The following GP6 variants were observed in gnomAD, a reference collection of about 807,000 sequenced individuals.
The protein encoded by GP6 is platelet glycoprotein VI.
A neutral mutation model predicts 37.3 loss-of-function variants in GP6; 45 were observed. The observed-to-expected ratio is 1.21, with a 90% CI of 0.95 to 1.55. GP6 has a LOEUF of 1.55. Ranked by LOEUF, GP6 falls within the 40% of genes most tolerant of loss-of-function variation. The probability of loss-of-function intolerance (pLI) is 0.00; values close to 1 mark genes in which losing one functional copy is unlikely to be tolerated. For synonymous variants in GP6, 340 were observed against 316.4 expected, an observed-to-expected ratio of 1.07 and a Z score of -0.79; for missense variants, 813 against 760.2, an observed-to-expected ratio of 1.07 and a Z score of -0.82.
At chr19:55,037,781 G>A (rs1258879300) in intron 1 of GP6, among the ~76,000 whole-genome samples, 4 of 150,706 alleles carry the variant, frequency 2.7e-5, no homozygotes, top group South Asian at 2.1e-4. Flanking sequence ...ACAAGCACCC[G>A]CCATCACGCC....
At chr19:55,017,515 A>C (rs1433881287) in intron 6 of GP6, among the ~76,000 whole-genome samples, 1 of 152,116 alleles carries the variant, frequency 6.6e-6, no homozygotes, top group Non-Finnish European at 1.5e-5. Context: ...AATTGATGCC[A>C]TGGGGAAATG....
At chr19:55,021,136 A>G (rs1216516114) in intron 5 of GP6, among the ~76,000 whole-genome samples, 1 of 149,212 alleles carries the variant, frequency 6.7e-6, no homozygotes, top group Non-Finnish European at 1.5e-5. Context: ...AGGCAGGTGG[A>G]TCACCTGAGG....
Position 55,024,289 on chromosome 19 carries a change from T to TGCACGCACACACAC in GP6, c.664+928_664+929insGTGTGTGTGCGTGC. Among the ~76,000 whole-genome samples, 294 of 101,994 alleles carry TGCACGCACACACAC rather than the reference T, an allele frequency of 2.9e-3. 2 individuals are homozygous for TGCACGCACACACAC. The highest frequency in any genetic ancestry group is 4.6e-3 in the Non-Finnish European group (207 of 44,986). 66.9% of individuals were successfully genotyped at this position (101,994 alleles called of 152,430 possible). On this transcript the variant is annotated intron_variant, in intron 5 of 7. Coordinates refer to ENST00000310373, the MANE Select transcript of GP6 (RefSeq NM_001083899.2). ...ATATGCACGCATGCACACACACACA[T>TGCACGCACACACAC]ATGCACGCATGCACACACATATGCA...
chr19:55,014,153 G>T lies in GP6; in HGVS notation c.1792C>A (p.Leu598Ile). 1.4e-6 allele frequency: 1 copy of T among 699,604 alleles called. No individual in the cohort carries two copies. The highest frequency in any genetic ancestry group is 1.7e-5 in the African/African-American group (1 of 57,324). The allele number at this position is 699,604 out of a possible 1,614,324, so 43.3% of individuals were successfully genotyped here. ...AAGTCAGGCTTCGTCACCCGAGCTA[G>T]AGTGCAGTGGTGTGATCTCAGCTCA... Residue 598 changes from leucine (L) to isoleucine (I), a missense_variant, in exon 8 of 8, where the codon CTA (leucine) becomes ATA (isoleucine). Transcript: ENST00000310373.
intron 5 of GP6, among the ~76,000 whole-genome samples, chr19:55,024,300 G>GCACACACACATGCACGCA (rs369345826): frequency 8.2e-6 from 1 of 121,864 alleles, no homozygotes; most frequent in Non-Finnish European, 1.7e-5. Context: ...ATGCACGCAT[G>GCACACACACATGCACGCA]CACACACATA....
intron 5 of GP6, among the ~76,000 whole-genome samples, chr19:55,019,803 G>C (rs950466073): frequency 6.7e-6 from 1 of 148,590 alleles, no homozygotes. Flanking sequence ...TCAGCCTCCC[G>C]AGTAGCTGGG....
Position 55,027,578 on chromosome 19 carries a change from C to T in GP6, c.610G>A (p.Gly204Arg), listed in dbSNP as rs1408985833. 1 of 1,612,434 alleles carries T rather than the reference C, an allele frequency of 6.2e-7. No individual in the cohort carries two copies. Residue 204 changes from glycine to arginine, a missense_variant and splice_region_variant, in exon 4 of 8, where the codon GGA (glycine) becomes AGA (arginine). Coordinates refer to ENST00000310373, the MANE Select transcript of GP6 (RefSeq NM_001083899.2). ...AAGGTTTGGTCTGCACTACCCCTAC[C>T]TGTGACCACAAGCTCCAGGGGGTCG... is the stretch of plus-strand genomic sequence containing the variant.
intron 3 of GP6, among the ~76,000 whole-genome samples, chr19:55,029,938 G>T (rs947134664): frequency 2.0e-5 from 3 of 152,220 alleles, no homozygotes; most frequent in Non-Finnish European, 4.4e-5. Context: ...TTATAACGCG[G>T]AATAGACCAC....
intron 1 of GP6, among the ~76,000 whole-genome samples, chr19:55,034,890 C>T (rs1486480898): frequency 2.6e-5 from 4 of 152,144 alleles, no homozygotes; most frequent in Non-Finnish European, 4.4e-5. Flanking sequence ...TTGTCACCAG[C>T]GCCCCCATAG....
rs2074177220 is a variant in GP6, at chr19:55,024,015, C to T, written c.664+1203G>A. 1.3e-5 allele frequency among the ~76,000 whole-genome samples: 2 copies of T among 152,182 alleles called. 1 individual carries two copies. The highest frequency in any genetic ancestry group is 4.1e-4 in the South Asian group (2 of 4,834). ...CCTTGTGAGACGGAAGAGTTCTGTACAGTGACTGCGGTGATGGTGACGCGA... is the reference window on the plus strand; with the variant it reads ...CCTTGTGAGACGGAAGAGTTCTGTATAGTGACTGCGGTGATGGTGACGCGA... On this transcript the variant is annotated intron_variant, in intron 5 of 7. Coordinates refer to ENST00000310373, the MANE Select transcript of GP6 (RefSeq NM_001083899.2).
intron 5 of GP6, among the ~76,000 whole-genome samples, chr19:55,019,209 G>A (rs1229187042): frequency 6.9e-6 from 1 of 144,414 alleles, no homozygotes; most frequent in Non-Finnish European, 1.5e-5. Flanking sequence ...GGGTTCAAGC[G>A]ATTCTCCTCC....
At chr19:55,017,065 G>T (rs1198668107) in intron 6 of GP6, among the ~76,000 whole-genome samples, 2 of 151,314 alleles carry the variant, frequency 1.3e-5, no homozygotes, top group African/African-American at 2.4e-5. Context: ...AAAACCATAA[G>T]ACATTGTCCA....
At chr19:55,026,537 T>G (rs557156093) in intron 4 of GP6, among the ~76,000 whole-genome samples, 1 of 152,234 alleles carries the variant, frequency 6.6e-6, no homozygotes, top group African/African-American at 2.4e-5. Flanking sequence ...AATATTCCAT[T>G]GCATGTATAT....
At chr19:55,030,613 G>A (rs1325399706) in intron 3 of GP6, among the ~76,000 whole-genome samples, 1 of 151,848 alleles carries the variant, frequency 6.6e-6, no homozygotes, top group Non-Finnish European at 1.5e-5. Context: ...AAAGTACTGG[G>A]ATTACAGGCG....
In GP6 at chr19:55,014,264, T is replaced by C. The variant is rs2146684260; in HGVS notation, c.1681A>G (p.Arg561Gly). ...GAGTATAGGGATGCACCACCACACC[T>C]GGCTAATTTTTGTGTTTTTTTGTTT... Residue 561 changes from arginine to glycine, a missense_variant, in exon 8 of 8, where the codon AGG (arginine) becomes GGG (glycine). Coordinates refer to ENST00000310373, the MANE Select transcript of GP6 (RefSeq NM_001083899.2). The C allele has an allele frequency of 1.7e-6, 2 of 1,145,378 alleles. No homozygotes were observed. Among genetic ancestry groups the C allele is most frequent in the Non-Finnish European group, 2.6e-6 (2 of 762,884 alleles). 71.0% of individuals were successfully genotyped at this position (1,145,378 alleles called of 1,614,324 possible).
At chr19:55,016,508 T>C (rs1200381610) in intron 6 of GP6, among the ~76,000 whole-genome samples, 2 of 150,466 alleles carry the variant, frequency 1.3e-5, no homozygotes, top group South Asian at 2.1e-4. Flanking sequence ...CCCGAGTAGC[T>C]GGGACTACAG....
intron 5 of GP6, among the ~76,000 whole-genome samples, chr19:55,024,327 T>TGCACGCACACATGCACGCATGCACACAC (rs1568613211): frequency 2.3e-4 from 7 of 30,216 alleles, no homozygotes; most frequent in African/African-American, 4.8e-4. Context: ...CACACACACA[T>TGCACGCACACATGCACGCATGCACACAC]ATGCACGCAC....
intron 6 of GP6, 148 bp downstream of exon 6, chr19:55,018,504 C>CATGGGT (rs2146724436): frequency 1.3e-6 from 1 of 753,310 alleles, no homozygotes; most frequent in East Asian, 2.5e-5. Context: ...CCACTCTGCA[C>CATGGGT]CCATGCTCTA....
In GP6 at chr19:55,027,818, C is replaced by A; in HGVS notation, c.370G>T (p.Val124Leu). The change falls in exon 4 of 8, where the codon GTG becomes TTG. Residue 124 changes from valine (V) to leucine (L), a missense_variant. Coordinates refer to ENST00000310373, the MANE Select transcript of GP6 (RefSeq NM_001083899.2). ...AGGGTTACGTCCCCTCCTGACGACA[C>A]CGCCGGGCCGGGCTGGGCTGAGAGC... The A allele has an allele frequency of 6.2e-7, 1 of 1,614,184 alleles. No individual in the cohort carries two copies. Among genetic ancestry groups the A allele is most frequent in the Non-Finnish European group, 8.5e-7 (1 of 1,180,010 alleles).
Sources: gnomAD v4.1 joint callset for allele counts (sites outside exome capture counted in the v4.1 genomes callset) on GRCh38, gnomAD v4.1.1 for gene constraint, MANE v1.5 for transcripts, NCBI Gene and HGNC (gene_info 2026-07-23, HGNC 2026-07-21) for gene names.